The following EVPL variants were observed in gnomAD, a reference collection of about 807,000 sequenced individuals.
EVPL encodes the protein envoplakin.
In EVPL, 94 loss-of-function variants were observed where a neutral mutation model predicts 129.7. The ratio of observed to expected loss-of-function variants is 0.72; its 90% CI spans 0.61 to 0.86. EVPL has a LOEUF of 0.86. EVPL is among the 40% of genes least tolerant of loss of function. The pLI is 0.00. For synonymous variants in EVPL, 1,172 were observed against 1,191.1 expected, an observed-to-expected ratio of 0.98 and a Z score of 0.33; for missense variants, 2,625 against 2,721.1, an observed-to-expected ratio of 0.96 and a Z score of 0.79.
chr17:76,015,193 C>A (rs752404341), intron 16 of EVPL, 34 bp downstream of exon 16: 1 of 1,564,998 alleles, frequency 6.4e-7, no homozygotes, highest in South Asian at 1.1e-5. Context: ...TGCTGGGTTC[C>A]CCTGACACCA....
chr17:76,024,029 G>A lies in EVPL; in HGVS notation c.190C>T (p.Leu64=), dbSNP rs1448506759. 1.2e-6 allele frequency: 2 copies of A among 1,612,956 alleles called. No homozygotes were observed. Among genetic ancestry groups the A allele is most frequent in the African/African-American group, 2.7e-5 (2 of 74,924 alleles). ...TGCTGCCGGGGCCTCACCTGCTGCA[G>A]CCTCTTCTGCGTCTCCAGGATGTCC... The part of the protein sequence containing the change: ...ERDILETQKR[L]QQDRLNSEQS... Residue 64 remains leucine, a synonymous_variant, in exon 2 of 22, where the codon CTG becomes TTG. Coordinates refer to ENST00000301607, the MANE Select transcript of EVPL (RefSeq NM_001988.4). This position sits in a 1 kb window ranked among gnomAD's most constrained non-coding sequence, Gnocchi z 4.5.
rs1598244676 is a variant in EVPL at position 76,022,429 on chromosome 17, C to T, written c.590G>A (p.Arg197Gln). The T allele has an allele frequency of 3.1e-6, 5 of 1,613,802 alleles. No homozygotes were observed. The highest frequency in any genetic ancestry group is 3.4e-6 in the Non-Finnish European group (4 of 1,179,958). Residue 197 changes from arginine (R) to glutamine (Q), a missense_variant, in exon 5 of 22, where the codon CGG (arginine) becomes CAG (glutamine). By Grantham distance (43) the Arg-to-Gln change is conservative. Around this residue, in one of 4 missense-constraint regions of EVPL, gnomAD observed 1,024 missense variants for 997.5 expected, o/e 1.03. Transcript: ENST00000301607. The surrounding 1 kb of genome is among the most constrained non-coding windows in gnomAD (Gnocchi z 5.6). The part of the protein sequence containing the change: ...KEIDAYGQQL[R>Q]SLVGPDAATI... ...CTCACCTACCGGCCCCACGAGGCTC[C>T]GCAGCTGCTGCCCATAGGCGTCGAT...
At chr17:76,023,694 C>A (rs1410799263) in intron 2 of EVPL, 40 bp from the exon 3 acceptor site, 1 of 1,495,724 alleles carries the variant, frequency 6.7e-7, no homozygotes, top group Non-Finnish European at 8.9e-7. Flanking sequence ...GGGCCCAGAG[C>A]CCCCACACCC....
At chr17:76,014,823 G>T in intron 17 of EVPL, 93 bp downstream of exon 17, 1 of 1,326,960 alleles carries the variant, frequency 7.5e-7, no homozygotes, top group Non-Finnish European at 1.0e-6. Context: ...TCAGAGACGT[G>T]AAGTCACTAG....
Position 76,007,121 on chromosome 17 carries a change from G to C in EVPL, c.6084C>G (p.Val2028=), listed in dbSNP as rs1713310459. The C allele has an allele frequency of 6.7e-7, 1 of 1,486,578 alleles. No individual in the cohort carries two copies. Among genetic ancestry groups the C allele is most frequent in the African/African-American group, 1.4e-5 (1 of 71,398 alleles). 92.1% of individuals were successfully genotyped at this position (1,486,578 alleles called of 1,614,324 possible). A position where few individuals can be genotyped will look rare whatever the true frequency, so the allele number is the denominator to read the frequency against. ...GCCCGTGTCAGCGAAGGGAGCGCGG[G>C]ACGGTGGGGGAGGCGGAGCGGTAGC... ...YRCYRSASPT[V]PRSLR is the part of the protein sequence containing the mutation. Residue 2028 remains valine (V), a synonymous_variant, in exon 22 of 22, where the codon GTC becomes GTG. Coordinates refer to ENST00000301607, the MANE Select transcript of EVPL (RefSeq NM_001988.4). The surrounding 1 kb of genome is among the most constrained non-coding windows in gnomAD (Gnocchi z 8.8).
chr17:76,024,038 G>T lies in EVPL; in HGVS notation c.181C>A (p.Gln61Lys), dbSNP rs990684387. Residue 61 changes from glutamine (Q) to lysine (K), a missense_variant, in exon 2 of 22, where the codon CAG becomes AAG. Coordinates refer to ENST00000301607, the MANE Select transcript of EVPL (RefSeq NM_001988.4). This position sits in a 1 kb window ranked among gnomAD's most constrained non-coding sequence, Gnocchi z 4.5. ...GGCCTCACCTGCTGCAGCCTCTTCTGCGTCTCCAGGATGTCCCGCTCCACC... is the reference window on the plus strand; with the variant it reads ...GGCCTCACCTGCTGCAGCCTCTTCTTCGTCTCCAGGATGTCCCGCTCCACC... ...DQVERDILET[Q>K]KRLQQDRLNS... The T allele has an allele frequency of 2.5e-6, 4 of 1,613,466 alleles. No individual in the cohort carries two copies. In the African/African-American group the frequency reaches 5.3e-5, roughly 22 times the overall value.
rs772623211 is a variant in EVPL, at chr17:76,007,073, C to T, written c.*30G>A. ...TACGTATCCTACCTGGCCCAACACA[C>T]GCACTTCCCCACTGGCTCCTTGGCC... On this transcript the variant is annotated 3_prime_UTR_variant, in exon 22 of 22. Coordinates refer to ENST00000301607, the MANE Select transcript of EVPL (RefSeq NM_001988.4). This position sits in a 1 kb window ranked among gnomAD's most constrained non-coding sequence, Gnocchi z 8.8. 39 of 1,432,108 alleles carry T rather than the reference C, an allele frequency of 2.7e-5. No homozygotes were observed. The highest frequency in any genetic ancestry group is 3.2e-5 in the Non-Finnish European group (35 of 1,092,942). The allele number at this position is 1,432,108 out of a possible 1,614,324, so 88.7% of individuals were successfully genotyped here. A position where few individuals can be genotyped will look rare whatever the true frequency, so the allele number is the denominator to read the frequency against.
At position 76,018,244 on chromosome 17, in the gene EVPL, A is replaced by G; in HGVS notation, c.1454T>C (p.Leu485Pro). ...VARASRLASE[L>P]QALKQKLATV... Reference sequence around the variant, plus strand: ...GGCCAATTTCTGCTTCAGGGCCTGCAGCTCTGAGGCCAGCCTAGAATGAAG... The same window carrying G: ...GGCCAATTTCTGCTTCAGGGCCTGCGGCTCTGAGGCCAGCCTAGAATGAAG... Residue 485 changes from leucine to proline, a missense_variant, in exon 13 of 22, where the codon CTG becomes CCG. Leu to Pro is a moderately conservative substitution (Grantham distance 98). This residue lies in a region of EVPL where 1,024 missense variants were observed against 997.5 expected (regional missense o/e 1.03). Transcript: ENST00000301607. The G allele has an allele frequency of 6.5e-7, 1 of 1,546,886 alleles. No individual in the cohort carries two copies. Among genetic ancestry groups the G allele is most frequent in the Non-Finnish European group, 8.7e-7 (1 of 1,144,272 alleles).
rs921668604 is a variant in EVPL at position 76,009,397 on chromosome 17, T to C, written c.3808A>G (p.Ile1270Val). Residue 1270 changes from isoleucine to valine, a missense_variant, in exon 22 of 22, where the codon ATC (isoleucine) becomes GTC (valine). By Grantham distance (29) the Ile-to-Val change is conservative. Transcript: ENST00000301607. The surrounding 1 kb of genome is among the most constrained non-coding windows in gnomAD (Gnocchi z 5.9). ...HERSPEVLRE[I>V]DRLKAQLNEL... is the part of the protein sequence containing the mutation. ...TTGAGCTGAGCCTTCAGGCGGTCGA[T>C]CTCACGCAGCACCTCGGGGCTCCTC... is the stretch of plus-strand genomic sequence containing the variant. 6.2e-7 allele frequency: 1 copy of C among 1,613,874 alleles called. No individual in the cohort carries two copies. Among genetic ancestry groups the C allele is most frequent in the Non-Finnish European group, 8.5e-7 (1 of 1,179,972 alleles).
Position 76,010,111 on chromosome 17 carries a change from C to T in EVPL, c.3094G>A (p.Ala1032Thr), listed in dbSNP as rs1215653165. ...VERDPGLDSQ[A>T]AQLRIQIQQL... is the part of the protein sequence containing the mutation. ...TGGATCTGGATCCTGAGCTGGGCCG[C>T]CTGGCTGTCCAGGCCGGGGTCCCTC... The change falls in exon 22 of 22, where the codon GCG becomes ACG. Residue 1032 changes from alanine (A) to threonine (T), a missense_variant. Physicochemically the swap from Ala to Thr is moderately conservative, Grantham distance 58. Transcript: ENST00000301607. 1.2e-5 allele frequency: 20 copies of T among 1,613,874 alleles called. No homozygotes were observed. The highest frequency in any genetic ancestry group is 1.6e-5 in the Non-Finnish European group (19 of 1,180,032).
chr17:76,017,849 G>A lies in EVPL; in HGVS notation c.1600C>T (p.Leu534=). 6.2e-7 allele frequency: 1 copy of A among 1,614,106 alleles called. No individual in the cohort carries two copies. The highest frequency in any genetic ancestry group is 2.2e-5 in the East Asian group (1 of 44,896). The change falls in exon 14 of 22, where the codon CTG becomes TTG. Residue 534 remains leucine (L), a synonymous_variant. Transcript: ENST00000301607. The part of the protein sequence containing the change: ...AQKLLTQMTR[L]DGDLGQIERQ... ...TCTATCTGTCCCAGGTCTCCATCCAGCCGGGTCATCTGTGTCAGGAGCTTC... is the reference window on the plus strand; with the variant it reads ...TCTATCTGTCCCAGGTCTCCATCCAACCGGGTCATCTGTGTCAGGAGCTTC...
rs200545542 is a variant in EVPL at position 76,009,310 on chromosome 17, C to T, written c.3895G>A (p.Asp1299Asn). 129 of 1,609,892 alleles carry T rather than the reference C, an allele frequency of 8.0e-5. No individual in the cohort carries two copies. In the East Asian group the frequency reaches 2.2e-3, roughly 27 times the overall value. Residue 1299 changes from aspartate to asparagine, a missense_variant, in exon 22 of 22, where the codon GAC (aspartate) becomes AAC (asparagine). Physicochemically the swap from Asp to Asn is conservative, Grantham distance 23. Coordinates refer to ENST00000301607, the MANE Select transcript of EVPL (RefSeq NM_001988.4). This position sits in a 1 kb window ranked among gnomAD's most constrained non-coding sequence, Gnocchi z 5.9. ...TTGGCCCGCTCGCGCCTCCACTCGT[C>T]GCGCTCACCCTGCAGGCGGATGAGC... Reference protein sequence around the residue: ...EQLIRLQGERDEWRRERAKVE... With the variant: ...EQLIRLQGERNEWRRERAKVE...
In EVPL at chr17:76,024,015, C is replaced by A; in HGVS notation, c.198+6G>T. On this transcript the variant is annotated splice_donor_region_variant and intron_variant, in intron 2 of 21. Transcript: ENST00000301607. This position sits in a 1 kb window ranked among gnomAD's most constrained non-coding sequence, Gnocchi z 4.5. Reference sequence around the variant, plus strand: ...CACGCCCTGCCAACTGCTGCCGGGGCCTCACCTGCTGCAGCCTCTTCTGCG... The same window carrying A: ...CACGCCCTGCCAACTGCTGCCGGGGACTCACCTGCTGCAGCCTCTTCTGCG... The A allele has an allele frequency of 6.2e-7, 1 of 1,611,320 alleles. No individual in the cohort carries two copies. The highest frequency in any genetic ancestry group is 8.5e-7 in the Non-Finnish European group (1 of 1,179,106).
chr17:76,022,325 C>G lies in EVPL; in HGVS notation c.606+88G>C, dbSNP rs1253519946. The G allele has an allele frequency of 1.5e-5, 24 of 1,602,146 alleles. No individual in the cohort carries two copies. Among genetic ancestry groups the G allele is most frequent in the Non-Finnish European group, 8.5e-7 (1 of 1,174,794 alleles). On this transcript the variant is annotated intron_variant, in intron 5 of 21. Transcript: ENST00000301607. This position sits in a 1 kb window ranked among gnomAD's most constrained non-coding sequence, Gnocchi z 5.6. ...CAGCCATACCCCACCCACCCCTATCCCCAGGGCCCAGCCGATCTAGCTCCG... is the reference window on the plus strand; with the variant it reads ...CAGCCATACCCCACCCACCCCTATCGCCAGGGCCCAGCCGATCTAGCTCCG...
rs1006046510 is a variant in EVPL, at chr17:76,008,467, C to T, written c.4738G>A (p.Glu1580Lys). 1.1e-5 allele frequency: 18 copies of T among 1,595,846 alleles called. No homozygotes were observed. The highest frequency in any genetic ancestry group is 1.1e-4 in the African/African-American group (8 of 74,666). The change falls in exon 22 of 22, where the codon GAG (glutamate) becomes AAG (lysine). Residue 1580 changes from glutamate (E) to lysine (K), a missense_variant. By Grantham distance (56) the Glu-to-Lys change is moderately conservative (BLOSUM62 1). This residue lies in a region of EVPL where 1,453 missense variants were observed against 1,511.8 expected (regional missense o/e 0.96). Transcript: ENST00000301607. This position sits in a 1 kb window ranked among gnomAD's most constrained non-coding sequence, Gnocchi z 7.4. ...GCCTGGTCCCGGGCCCTCTGCAGCT[C>T]GGACTCCTCCCGGGACCAGGTTCTC... Reference protein sequence around the residue: ...LGRTWSREESELQRARDQADQ... With the variant: ...LGRTWSREESKLQRARDQADQ...
In EVPL at chr17:76,007,605, C is replaced by A. The variant is rs767157285; in HGVS notation, c.5600G>T (p.Gly1867Val). 4 of 1,613,760 alleles carry A rather than the reference C, an allele frequency of 2.5e-6. No individual in the cohort carries two copies. The highest frequency in any genetic ancestry group is 1.7e-5 in the Admixed American group (1 of 60,010). ...KLLEAQAATG[G>V]IVDLLSRERY... ...CTCACGGCTGAGCAGGTCCACGATGCCCCCTGTGGCCGCCTGGGCCTCCAG... is the reference window on the plus strand; with the variant it reads ...CTCACGGCTGAGCAGGTCCACGATGACCCCTGTGGCCGCCTGGGCCTCCAG... The change falls in exon 22 of 22, where the codon GGC becomes GTC. Residue 1867 changes from glycine to valine, a missense_variant. Transcript: ENST00000301607. This position sits in a 1 kb window ranked among gnomAD's most constrained non-coding sequence, Gnocchi z 8.8.
At chr17:76,018,735 G>T in intron 11 of EVPL, 135 bp from the exon 12 acceptor site, 2 of 1,221,894 alleles carry the variant, frequency 1.6e-6, no homozygotes, top group East Asian at 2.5e-5. Context: ...GGGAGGTGCT[G>T]GGGTAGAAAA....
chr17:76,019,747 G>A lies in EVPL; in HGVS notation c.1012-94C>T. On this transcript the variant is annotated intron_variant, in intron 9 of 21. Transcript: ENST00000301607. ...TGAACCTAAGCCAGCTAAACACAAA[G>A]CAGCTAAACCTAAACCAGCTAAACA... 5 of 1,469,176 alleles carry A rather than the reference G, an allele frequency of 3.4e-6. No homozygotes were observed. The South Asian group carries it at 6.9e-5, about 20-fold the overall frequency. 91.0% of individuals were successfully genotyped at this position (1,469,176 alleles called of 1,614,324 possible). A position where few individuals can be genotyped will look rare whatever the true frequency, so the allele number is the denominator to read the frequency against.
Position 76,008,684 on chromosome 17 carries a change from G to A in EVPL, c.4521C>T (p.Asp1507=), listed in dbSNP as rs144390976. 1.4e-5 allele frequency: 22 copies of A among 1,612,920 alleles called. No homozygotes were observed. The highest frequency in any genetic ancestry group is 6.7e-5 in the East Asian group (3 of 44,880). The change falls in exon 22 of 22, where the codon GAC becomes GAT. Residue 1507 remains aspartate (D), a synonymous_variant. Coordinates refer to ENST00000301607, the MANE Select transcript of EVPL (RefSeq NM_001988.4). The surrounding 1 kb of genome is among the most constrained non-coding windows in gnomAD (Gnocchi z 7.4). ...CCTGCGATTTGGCTTTCTGGAGGAC[G>A]TCAATCTGGACCTGCAGGTTCTTGC... The part of the protein sequence containing the change: ...RECKNLQVQI[D]VLQKAKSQEK...
Sources: allele counts gnomAD v4.1 joint callset, GRCh38; gene constraint gnomAD v4.1.1; regional missense constraint gnomAD v4.1.1; non-coding constraint Gnocchi (gnomAD v3.1); transcripts MANE v1.5; gene names NCBI Gene and HGNC (gene_info 2026-07-23, HGNC 2026-07-21).